The following ALDH1L2 variants were observed in gnomAD, a reference collection of about 807,000 sequenced individuals.
ALDH1L2 encodes mitochondrial 10-formyltetrahydrofolate dehydrogenase.
Under a neutral mutation model 111.0 loss-of-function variants are expected in ALDH1L2, and 91 were observed. That is an observed-to-expected ratio of 0.82 (90% CI 0.69 to 0.98). The LOEUF (loss-of-function observed/expected upper bound fraction) is 0.98, where lower values mean the gene tolerates loss of function less well. Ranked by LOEUF, ALDH1L2 falls within the 50% of genes least tolerant of loss-of-function variation. The pLI, the probability that ALDH1L2 is intolerant of heterozygous loss-of-function variation, is 0.00. For missense variants in ALDH1L2, 995 were observed against 1,126.8 expected (o/e 0.88, Z 1.67); for synonymous variants, 374 against 392.6 (o/e 0.95, Z 0.56).
chr12:105,055,325 AC>A (rs375862369), intron 10 of ALDH1L2, among the ~76,000 whole-genome samples: 11 of 152,324 alleles, frequency 7.2e-5, no homozygotes, highest in African/African-American at 2.6e-4. Context: ...AAGTAACTGA[AC>A]AGAGACTTCA....
At chr12:105,070,895 A>G in intron 2 of ALDH1L2, 91 bp from the exon 3 acceptor site, 1 of 1,046,064 alleles carries the variant, frequency 9.6e-7, no homozygotes, top group Non-Finnish European at 1.4e-6. Flanking sequence ...CAGTTTCATG[A>G]AATATTTACA....
chr12:105,062,930 A>G lies in ALDH1L2; in HGVS notation c.879T>C (p.Val293=). Residue 293 remains valine, a synonymous_variant, in exon 7 of 23, where the codon GTT becomes GTC. Coordinates refer to ENST00000258494, the MANE Select transcript of ALDH1L2 (RefSeq NM_001034173.4). ...EIKGAKKPGL[V]TKNGLVLFGN... is the part of the protein sequence containing the mutation. ...CAAAAAGAACAAGTCCATTTTTGGT[A>G]ACGAGACCAGGCTTCTTGGCACCTT... 1.9e-6 allele frequency: 3 copies of G among 1,613,984 alleles called. No homozygotes were observed. Among genetic ancestry groups the G allele is most frequent in the Non-Finnish European group, 2.5e-6 (3 of 1,179,956 alleles).
At chr12:105,068,017 A>G (rs1877478491) in intron 4 of ALDH1L2, among the ~76,000 whole-genome samples, 1 of 152,168 alleles carries the variant, frequency 6.6e-6, no homozygotes, top group Non-Finnish European at 1.5e-5. Flanking sequence ...TGCAACAAAG[A>G]AGAGGTAGAA....
Position 105,068,598 on chromosome 12 carries a change from A to G in ALDH1L2, c.594+121T>C, listed in dbSNP as rs974246440. 5 of 1,050,370 alleles carry G rather than the reference A, an allele frequency of 4.8e-6. No homozygotes were observed. The African/African-American group carries it at 5.0e-5, about 10-fold the overall frequency. The allele number at this position is 1,050,370 out of a possible 1,614,324, so 65.1% of individuals were successfully genotyped here. The stretch of plus-strand genomic sequence containing the variant: ...CCATCCCATTAGTTAAAAAAAATCT[A>G]ATTTTGTTTTTAAACTTTATATTTT... On this transcript the variant is annotated intron_variant, in intron 4 of 22. Transcript: ENST00000258494.
chr12:105,035,020 TTCTC>T (rs1283389976), intron 18 of ALDH1L2, among the ~76,000 whole-genome samples: 1 of 152,110 alleles, frequency 6.6e-6, no homozygotes, highest in African/African-American at 2.4e-5. Flanking sequence ...ATCTAGATTA[TTCTC>T]TTCTTAAATT....
chr12:105,038,254 TCTC>T, intron 17 of ALDH1L2, 52 bp from the exon 18 acceptor site: 1 of 779,562 alleles, frequency 1.3e-6, no homozygotes, highest in African/African-American at 2.1e-5. Context: ...TCTCTCTCTC[TCTC>T]TCTCACACAC....
chr12:105,053,410 C>T (rs1432849848), intron 10 of ALDH1L2, among the ~76,000 whole-genome samples: 1 of 152,146 alleles, frequency 6.6e-6, no homozygotes, highest in Non-Finnish European at 1.5e-5. Context: ...TACTCTCTGC[C>T]AGTGGCTGGC....
chr12:105,046,412 G>T (rs1039660818), intron 15 of ALDH1L2, among the ~76,000 whole-genome samples: 8 of 150,858 alleles, frequency 5.3e-5, no homozygotes, highest in Non-Finnish European at 8.8e-5. Context: ...TTCCCTAATT[G>T]TTGGGCACTT....
intron 2 of ALDH1L2, among the ~76,000 whole-genome samples, chr12:105,073,500 A>G (rs1389562195): frequency 5.9e-5 from 9 of 152,186 alleles, no homozygotes; most frequent in Non-Finnish European, 1.2e-4. Flanking sequence ...TATGCTTGCA[A>G]TCCTTCTGAA....
intron 4 of ALDH1L2, 152 bp from the exon 5 acceptor site, chr12:105,066,821 C>G (rs1332757786): frequency 1.5e-6 from 1 of 652,282 alleles, no homozygotes; most frequent in East Asian, 2.7e-5. Context: ...CAGGTCCATC[C>G]TGACAAGCAG....
intron 1 of ALDH1L2, among the ~76,000 whole-genome samples, chr12:105,080,267 C>T (rs1237535097): frequency 6.6e-6 from 1 of 152,032 alleles, no homozygotes; most frequent in Non-Finnish European, 1.5e-5. Flanking sequence ...CACACAATAT[C>T]GTCAAATTTA....
intron 15 of ALDH1L2, among the ~76,000 whole-genome samples, 165 bp from the exon 16 acceptor site, chr12:105,040,859 T>C (rs1875488839): frequency 6.6e-6 from 1 of 152,260 alleles, no homozygotes; most frequent in Non-Finnish European, 1.5e-5. Flanking sequence ...GCAAAAATAG[T>C]ACAAGTATTC....
chr12:105,055,560 G>A (rs906250026), intron 10 of ALDH1L2, among the ~76,000 whole-genome samples: 1 of 151,796 alleles, frequency 6.6e-6, no homozygotes, highest in African/African-American at 2.4e-5. Context: ...CTATAAACAG[G>A]TGAAAAAAAA....
chr12:105,051,608 C>T (rs1221196917), intron 12 of ALDH1L2, among the ~76,000 whole-genome samples: 1 of 152,086 alleles, frequency 6.6e-6, no homozygotes, highest in Non-Finnish European at 1.5e-5. Context: ...CCAGCTGGGA[C>T]CTGCCTGATG....
At chr12:105,031,215 C>T (rs1267582820) in intron 20 of ALDH1L2, among the ~76,000 whole-genome samples, 1 of 152,186 alleles carries the variant, frequency 6.6e-6, no homozygotes, top group Non-Finnish European at 1.5e-5. Context: ...TTATGAGATT[C>T]ATAATATGCA....
intron 15 of ALDH1L2, among the ~76,000 whole-genome samples, chr12:105,044,018 A>G (rs1875693886): frequency 6.6e-6 from 1 of 152,260 alleles, no homozygotes; most frequent in African/African-American, 2.4e-5. Flanking sequence ...CCCTAATATT[A>G]TAAATGCATC....
chr12:105,027,048 A>T (rs533016666), intron 21 of ALDH1L2, among the ~76,000 whole-genome samples: 11 of 152,228 alleles, frequency 7.2e-5, no homozygotes, highest in East Asian at 3.9e-4. Context: ...TTTTAAAAAA[A>T]TTTTTTTGTA....
chr12:105,030,367 C>G lies in ALDH1L2; in HGVS notation c.2473G>C (p.Glu825Gln). The G allele has an allele frequency of 6.2e-7, 1 of 1,613,650 alleles. No individual in the cohort carries two copies. The highest frequency in any genetic ancestry group is 8.5e-7 in the Non-Finnish European group (1 of 1,179,716). The part of the protein sequence containing the change: ...VEDYMYLAKE[E>Q]SFGPIMVISK... ...ATGACCATAATAGGCCCAAAGGATTCCTCTTTGGCGAGGTACATGTAGTCT... is the reference window on the plus strand; with the variant it reads ...ATGACCATAATAGGCCCAAAGGATTGCTCTTTGGCGAGGTACATGTAGTCT... The change falls in exon 21 of 23, where the codon GAA becomes CAA. Residue 825 changes from glutamate (E) to glutamine (Q), a missense_variant. By Grantham distance (29) the Glu-to-Gln change is conservative. Coordinates refer to ENST00000258494, the MANE Select transcript of ALDH1L2 (RefSeq NM_001034173.4).
At chr12:105,065,475 C>T in intron 5 of ALDH1L2, 119 bp from the exon 6 acceptor site, 1 of 765,858 alleles carries the variant, frequency 1.3e-6, no homozygotes, top group South Asian at 1.7e-5. Flanking sequence ...GGAATTTTTG[C>T]TTCTTAGTTT....
Sources: allele counts gnomAD v4.1 joint callset (sites outside exome capture counted in the v4.1 genomes callset), GRCh38; gene constraint gnomAD v4.1.1; transcripts MANE v1.5; gene names NCBI Gene and HGNC (gene_info 2026-07-23, HGNC 2026-07-21).